TFDP2: variants seen among roughly 807,000 people sequenced by gnomAD.
The protein encoded by TFDP2 is transcription factor Dp-2, also known as transcription factor Dp-2 (E2F dimerization partner 2).
A neutral mutation model predicts 59.3 loss-of-function variants in TFDP2; 17 were observed. The observed-to-expected ratio is 0.29, with a 90% confidence interval of 0.20 to 0.43. TFDP2 has a LOEUF of 0.43. Ranked by LOEUF, TFDP2 falls within the 20% of genes least tolerant of loss-of-function variation. The pLI, the probability that TFDP2 is intolerant of heterozygous loss-of-function variation, is 1.00. For synonymous variants in TFDP2, 180 were observed against 194.7 expected, an observed-to-expected ratio of 0.92 and a Z score of 0.63; for missense variants, 391 against 528.8, an observed-to-expected ratio of 0.74 and a Z score of 2.56.
chr3:142,109,516 T>C (rs2061582004), intron 1 of TFDP2, among the ~76,000 whole-genome samples: 1 of 152,042 alleles, frequency 6.6e-6, no homozygotes, highest in African/African-American at 2.4e-5. Context: ...TTAGTAGAGA[T>C]GGTGTTTCAC....
At chr3:142,008,041 G>C (rs1465484905) in intron 3 of TFDP2, among the ~76,000 whole-genome samples, 1 of 152,084 alleles carries the variant, frequency 6.6e-6, no homozygotes, top group Non-Finnish European at 1.5e-5. Context: ...TTCATATCTG[G>C]TTTGAATACA....
intron 3 of TFDP2, among the ~76,000 whole-genome samples, chr3:142,013,738 T>C (rs1453833171): frequency 6.6e-6 from 1 of 152,096 alleles, no homozygotes; most frequent in Non-Finnish European, 1.5e-5. Flanking sequence ...TGAAATATTT[T>C]TGTCTTCCAC....
intron 3 of TFDP2, among the ~76,000 whole-genome samples, chr3:142,089,362 A>G (rs74420280): frequency 1.2e-3 from 185 of 152,296 alleles, no homozygotes; most frequent in African/African-American, 4.2e-3. Flanking sequence ...ACTTGAAGAC[A>G]GATTAATGAA....
At chr3:141,985,046 G>A (rs567577608) in intron 6 of TFDP2, among the ~76,000 whole-genome samples, 36 of 151,460 alleles carry the variant, frequency 2.4e-4, no homozygotes, top group African/African-American at 8.5e-4. Flanking sequence ...AACTACTACT[G>A]CTGCCACCTT....
rs571535486 is a variant in TFDP2 at position 142,083,177 on chromosome 3, C to T, written c.82+9884G>A. Among the ~76,000 whole-genome samples the T allele has an allele frequency of 2.0e-5, 3 of 152,178 alleles. No homozygotes were observed. In the South Asian group the frequency reaches 6.2e-4, roughly 32 times the overall value. ...GCAAATTCAGTAAAGTTGCAGGACA[C>T]AAATCAACATACAAAAATCAGTAGC... On this transcript the variant is annotated intron_variant, in intron 3 of 12. Transcript: ENST00000489671.
intron 3 of TFDP2, chr3:142,043,719 C>T: frequency 7.9e-7 from 1 of 1,265,826 alleles, no homozygotes; most frequent in Non-Finnish European, 1.2e-6. Flanking sequence ...CTTCCTTGGT[C>T]TTAGACCTGG....
chr3:141,956,943 C>A (rs963744194), intron 11 of TFDP2, among the ~76,000 whole-genome samples: 1 of 150,598 alleles, frequency 6.6e-6, no homozygotes, highest in East Asian at 2.0e-4. Flanking sequence ...CTGCCCCACC[C>A]CCCCCACAAA....
In TFDP2 at chr3:142,132,799, TA is replaced by T. The variant is rs576724260; in HGVS notation, c.-93+16383del. On this transcript the variant is annotated intron_variant, in intron 1 of 12. Coordinates refer to ENST00000489671, the MANE Select transcript of TFDP2 (RefSeq NM_001178139.2). Reference sequence around the variant, plus strand: ...TGTGAATTGTATCTCAATAAAGCTTTAAAAAAAAAAACCGTATGAGGAAAAT... The same window carrying T: ...TGTGAATTGTATCTCAATAAAGCTTTAAAAAAAAAACCGTATGAGGAAAAT... Among the ~76,000 whole-genome samples the T allele has an allele frequency of 1.7e-4, 23 of 137,974 alleles. 1 individual carries two copies. Among genetic ancestry groups the T allele is most frequent in the African/African-American group, 3.7e-4 (13 of 35,512 alleles). The allele number at this position is 137,974 out of a possible 152,430, so 90.5% of individuals were successfully genotyped here.
chr3:141,955,560 G>A (rs72988270), intron 11 of TFDP2, among the ~76,000 whole-genome samples: 3,977 of 152,206 alleles, frequency 0.026, 192 homozygotes, highest in African/African-American at 0.09. Flanking sequence ...GGCCCTTGCA[G>A]GGGATGAATG....
chr3:142,127,486 T>C (rs981656546), intron 1 of TFDP2, among the ~76,000 whole-genome samples: 5 of 151,846 alleles, frequency 3.3e-5, no homozygotes, highest in Admixed American at 6.6e-5. Context: ...TTTGTAATTT[T>C]TGTAAAAATA....
In TFDP2 at chr3:142,044,226, G is replaced by GTT. The variant is rs142598439; in HGVS notation, c.83-38684_83-38683dup. The GTT allele has an allele frequency of 4.8e-3, 566 of 118,212 alleles. 9 individuals carry two copies. The highest frequency in any genetic ancestry group is 0.011 in the African/African-American group (243 of 21,284). The allele number at this position is 118,212 out of a possible 1,614,324, so 7.3% of individuals were successfully genotyped here. A position where few individuals can be genotyped will look rare whatever the true frequency, so the allele number is the denominator to read the frequency against. On this transcript the variant is annotated intron_variant, in intron 3 of 12. Transcript: ENST00000489671. ...CTGCGGCGGCGGCAGCAGCAAAAGG[G>GTT]TTTTTTTTTTTTTTTTTTTTTTTTT... is the stretch of plus-strand genomic sequence containing the variant.
chr3:142,143,202 C>T (rs2063026933), intron 1 of TFDP2, among the ~76,000 whole-genome samples: 1 of 152,064 alleles, frequency 6.6e-6, no homozygotes, highest in Non-Finnish European at 1.5e-5. Context: ...AGCCACTGCA[C>T]TCCAGCCTGG....
intron 2 of TFDP2, among the ~76,000 whole-genome samples, chr3:142,098,028 A>G (rs2061216484): frequency 6.6e-6 from 1 of 152,080 alleles, no homozygotes; most frequent in South Asian, 2.1e-4. Flanking sequence ...CCTGACCTCA[A>G]GTATCGCCTG....
chr3:142,108,893 C>A (rs956946742), intron 1 of TFDP2, among the ~76,000 whole-genome samples: 19 of 152,188 alleles, frequency 1.2e-4, no homozygotes, highest in African/African-American at 4.6e-4. Flanking sequence ...TGTCTGGAAC[C>A]TTTACCTGAC....
chr3:142,016,852 G>A (rs1411667942), intron 3 of TFDP2, among the ~76,000 whole-genome samples: 1 of 152,180 alleles, frequency 6.6e-6, no homozygotes, highest in Non-Finnish European at 1.5e-5. Flanking sequence ...TCACATCTCA[G>A]TTAGCTTGAG....
intron 4 of TFDP2, among the ~76,000 whole-genome samples, chr3:141,998,004 T>C (rs571586760): frequency 6.6e-6 from 1 of 152,246 alleles, no homozygotes; most frequent in East Asian, 1.9e-4. Context: ...TGTCAGATTG[T>C]TAGCTGCGGC....
intron 3 of TFDP2, among the ~76,000 whole-genome samples, chr3:142,010,335 G>A (rs1014694018): frequency 6.6e-6 from 1 of 152,168 alleles, no homozygotes; most frequent in Non-Finnish European, 1.5e-5. Context: ...TTTGGGCCGG[G>A]CGCAGTGGCT....
intron 7 of TFDP2, among the ~76,000 whole-genome samples, chr3:141,976,446 T>C (rs1372923122): frequency 6.6e-6 from 1 of 151,842 alleles, no homozygotes; most frequent in Non-Finnish European, 1.5e-5. Flanking sequence ...CCTGGGAAGG[T>C]GGTGGTGATA....
At chr3:141,976,791 T>C (rs1404166759) in intron 7 of TFDP2, among the ~76,000 whole-genome samples, 22 of 151,486 alleles carry the variant, frequency 1.5e-4, no homozygotes, top group Admixed American at 6.6e-5. Context: ...ACTTTTTTTT[T>C]CAAGTGCCTA....
Sources: gnomAD v4.1 joint callset for allele counts (sites outside exome capture counted in the v4.1 genomes callset) on GRCh38, gnomAD v4.1.1 for gene constraint, MANE v1.5 for transcripts, NCBI Gene and HGNC (gene_info 2026-07-23, HGNC 2026-07-21) for gene names.